Variants in GNL1 observed in about 807,000 individuals in gnomAD.
GNL1 encodes guanine nucleotide-binding protein-like 1.
In GNL1, 21 loss-of-function variants were observed where a neutral mutation model predicts 75.2. That is an observed-to-expected ratio of 0.28 (90% CI 0.20 to 0.40). The LOEUF is 0.40. Among genes scored for constraint, GNL1 ranks in the 10% least tolerant of loss-of-function variants. GNL1 has a pLI of 1.00. For missense variants in GNL1, 579 were observed against 775.0 expected (o/e 0.75, Z 3.00); for synonymous variants, 287 against 303.4 (o/e 0.95, Z 0.56).
rs1307558911 is a variant in GNL1, at chr6:30,552,300, C to T, written c.1099+167G>A. The T allele has an allele frequency of 7.2e-6, 4 of 558,594 alleles. No homozygotes were observed. Among genetic ancestry groups the T allele is most frequent in the Non-Finnish European group, 1.3e-5 (4 of 312,404 alleles). The allele number at this position is 558,594 out of a possible 1,614,324, so 34.6% of individuals were successfully genotyped here. On this transcript the variant is annotated intron_variant, in intron 8 of 11. Transcript: ENST00000376621. The surrounding 1 kb of genome is among the most constrained non-coding windows in gnomAD (Gnocchi z 4.5). ...GGAATTTAACTCAGGCTGTCATGAT[C>T]CTTCCACTGCAGCAGACGCCTCTTC...
rs1800140577 is a variant in GNL1 at position 30,555,924 on chromosome 6, T to G, written c.74-204A>C. The stretch of plus-strand genomic sequence containing the variant: ...AGTGGGGACGGCGCCCCGTGCTAGC[T>G]GGAGGGATTCCCCTCCCCCAACTCT... On this transcript the variant is annotated intron_variant, in intron 1 of 11. Transcript: ENST00000376621. This position sits in a 1 kb window ranked among gnomAD's most constrained non-coding sequence, Gnocchi z 4.3. 2.5e-6 allele frequency: 2 copies of G among 798,506 alleles called. No individual in the cohort carries two copies. Among genetic ancestry groups the G allele is most frequent in the South Asian group, 1.7e-5 (1 of 59,234 alleles). The allele number at this position is 798,506 out of a possible 1,614,324, so 49.5% of individuals were successfully genotyped here. A position where few individuals can be genotyped will look rare whatever the true frequency, so the allele number is the denominator to read the frequency against.
chr6:30,546,319 G>C lies in GNL1; in HGVS notation c.1583-6C>G. The C allele has an allele frequency of 6.3e-7, 1 of 1,582,710 alleles. No individual in the cohort carries two copies. Among genetic ancestry groups the C allele is most frequent in the South Asian group, 1.1e-5 (1 of 87,644 alleles). On this transcript the variant is annotated splice_region_variant and splice_polypyrimidine_tract_variant and intron_variant, in intron 11 of 11. Transcript: ENST00000376621. The surrounding 1 kb of genome is among the most constrained non-coding windows in gnomAD (Gnocchi z 5.1). Reference sequence around the variant, plus strand: ...TGGATGGGACTCCCAGGTGCCTGGGGAACCAAAACAAGAAAAAAATGGAGG... The same window carrying C: ...TGGATGGGACTCCCAGGTGCCTGGGCAACCAAAACAAGAAAAAAATGGAGG...
Position 30,555,614 on chromosome 6 carries a change from G to T in GNL1, c.180C>A (p.Ile60=). 1.2e-6 allele frequency: 2 copies of T among 1,614,064 alleles called. No homozygotes were observed. Among genetic ancestry groups the T allele is most frequent in the Non-Finnish European group, 1.7e-6 (2 of 1,179,970 alleles). Residue 60 remains isoleucine (I), a synonymous_variant, in exon 2 of 12, where the codon ATC becomes ATA. Coordinates refer to ENST00000376621, the MANE Select transcript of GNL1 (RefSeq NM_005275.5). The surrounding 1 kb of genome is among the most constrained non-coding windows in gnomAD (Gnocchi z 4.3). ...TSDGESVTHH[I]RRLNQQPSQG... ...GAGAAGGCTGCTGGTTAAGCCTGCG[G>T]ATATGATGGGTCACAGACTCCCCGT...
rs1050300447 is a variant in GNL1, at chr6:30,548,042, G to A, written c.1100-512C>T. Among the ~76,000 whole-genome samples, 2 of 152,090 alleles carry A rather than the reference G, an allele frequency of 1.3e-5. No homozygotes were observed. The highest frequency in any genetic ancestry group is 2.9e-5 in the Non-Finnish European group (2 of 68,010). On this transcript the variant is annotated intron_variant, in intron 8 of 11. Transcript: ENST00000376621. This position sits in a 1 kb window ranked among gnomAD's most constrained non-coding sequence, Gnocchi z 4.2. ...AATACAAAAATTAGCTGGGCGTGGT[G>A]GTGGGCGCCTGTAATTGCAGCTACT... is the stretch of plus-strand genomic sequence containing the variant.
Position 30,553,137 on chromosome 6 carries a change from G to A in GNL1, c.851C>T (p.Ala284Val). The change falls in exon 7 of 12, where the codon GCC becomes GTC. Residue 284 changes from alanine (A) to valine (V), a missense_variant. Physicochemically the swap from Ala to Val is moderately conservative, Grantham distance 64. Transcript: ENST00000376621. ...SRRRGRGWTR[A>V]LGPEQLLRAC... is the part of the protein sequence containing the mutation. ...TCTCAGCAACTGCTCTGGCCCCAGG[G>A]CCCGAGTCCATCCTCTCCCCCGCCT... 6.2e-7 allele frequency: 1 copy of A among 1,613,836 alleles called. No individual in the cohort carries two copies. The highest frequency in any genetic ancestry group is 8.5e-7 in the Non-Finnish European group (1 of 1,179,784).
At position 30,555,544 on chromosome 6, in the gene GNL1, C is replaced by G; in HGVS notation, c.239+11G>C. 1 of 1,610,658 alleles carries G rather than the reference C, an allele frequency of 6.2e-7. No individual in the cohort carries two copies. Among genetic ancestry groups the G allele is most frequent in the Non-Finnish European group, 8.5e-7 (1 of 1,177,724 alleles). On this transcript the variant is annotated intron_variant, in intron 2 of 11. Transcript: ENST00000376621. This position sits in a 1 kb window ranked among gnomAD's most constrained non-coding sequence, Gnocchi z 4.3. ...GGGAAAGCCGGGACCAGCGCCCCCT[C>G]CCACCCTCACCGATTTGGGTCGTAG...
Position 30,554,567 on chromosome 6 carries a change from G to A in GNL1, c.600+8C>T. The A allele has an allele frequency of 6.5e-7, 1 of 1,540,686 alleles. No homozygotes were observed. The highest frequency in any genetic ancestry group is 1.1e-5 in the South Asian group (1 of 89,696). ...TCCTCCTTGCCCACCCTTATCCCTA[G>A]TACTCACTGGATGTCGGATATCAGT... is the stretch of plus-strand genomic sequence containing the variant. On this transcript the variant is annotated splice_region_variant and intron_variant, in intron 5 of 11. Coordinates refer to ENST00000376621, the MANE Select transcript of GNL1 (RefSeq NM_005275.5).
chr6:30,546,456 T>C lies in GNL1; in HGVS notation c.1583-143A>G. ...TCATTCATTCATCCATTCATTCAAC[T>C]TCCTATGTGCAGATTGCTGAACAGA... On this transcript the variant is annotated intron_variant, in intron 11 of 11. Transcript: ENST00000376621. This position sits in a 1 kb window ranked among gnomAD's most constrained non-coding sequence, Gnocchi z 5.1. 1.4e-6 allele frequency: 1 copy of C among 694,030 alleles called. No homozygotes were observed. The highest frequency in any genetic ancestry group is 2.5e-6 in the Non-Finnish European group (1 of 401,794). The allele number at this position is 694,030 out of a possible 1,614,324, so 43.0% of individuals were successfully genotyped here.
rs560514622 is a variant in GNL1 at position 30,551,840 on chromosome 6, C to T, written c.1099+627G>A. The stretch of plus-strand genomic sequence containing the variant: ...TATTTGTCAGGCATTCTTACACTCT[C>T]TTAACACTATTCCCATCATTCCTCA... On this transcript the variant is annotated intron_variant, in intron 8 of 11. Transcript: ENST00000376621. Among the ~76,000 whole-genome samples the T allele has an allele frequency of 4.6e-5, 7 of 152,262 alleles. No homozygotes were observed. The East Asian group carries it at 1.2e-3, about 25-fold the overall frequency.
chr6:30,549,411 C>T (rs1192922578), intron 8 of GNL1, among the ~76,000 whole-genome samples: 1 of 152,196 alleles, frequency 6.6e-6, no homozygotes, highest in African/African-American at 2.4e-5. Context: ...TATCTCTCAA[C>T]AATGCAGCTT....
At chr6:30,554,470 G>A (rs1356299434) in intron 5 of GNL1, 105 bp downstream of exon 5, 3 of 770,162 alleles carry the variant, frequency 3.9e-6, no homozygotes, top group Non-Finnish European at 7.1e-6. Flanking sequence ...AGATTAGAAA[G>A]ACAGGAAGAT....
In GNL1 at chr6:30,547,512, T is replaced by C; in HGVS notation, c.1118A>G (p.Lys373Arg). Residue 373 changes from lysine (K) to arginine (R), a missense_variant, in exon 9 of 12, where the codon AAG (lysine) becomes AGG (arginine). By Grantham distance (26) the Lys-to-Arg change is conservative. Transcript: ENST00000376621. This position sits in a 1 kb window ranked among gnomAD's most constrained non-coding sequence, Gnocchi z 5.5. ...CACCAGCCCATTGATCAGCGAGGACTTTCCCACATTAGGGAAACCTGAGGA... is the reference window on the plus strand; with the variant it reads ...CACCAGCCCATTGATCAGCGAGGACCTTCCCACATTAGGGAAACCTGAGGA... Reference protein sequence around the residue: ...IGCVGFPNVGKSSLINGLVGR... With the variant: ...IGCVGFPNVGRSSLINGLVGR... 1 of 1,612,114 alleles carries C rather than the reference T, an allele frequency of 6.2e-7. No homozygotes were observed. Among genetic ancestry groups the C allele is most frequent in the Non-Finnish European group, 8.5e-7 (1 of 1,179,446 alleles).
chr6:30,549,851 T>A (rs184597361), intron 8 of GNL1, among the ~76,000 whole-genome samples: 8 of 147,206 alleles, frequency 5.4e-5, no homozygotes, highest in Admixed American at 3.4e-4. Flanking sequence ...TTTGACGAAG[T>A]CTTGCTCTGT....
rs1800092842 is a variant in GNL1, at chr6:30,555,464, C to A, written c.239+91G>T. On this transcript the variant is annotated intron_variant, in intron 2 of 11. Coordinates refer to ENST00000376621, the MANE Select transcript of GNL1 (RefSeq NM_005275.5). The surrounding 1 kb of genome is among the most constrained non-coding windows in gnomAD (Gnocchi z 4.3). The stretch of plus-strand genomic sequence containing the variant: ...GGAGAACTGTGGCATCCCAGGCCCA[C>A]CGTCTTCACCAGTAGCAGCCCGCTT... 2.3e-6 allele frequency: 3 copies of A among 1,306,282 alleles called. No homozygotes were observed. The Admixed American group carries it at 5.9e-5, about 26-fold the overall frequency. The allele number at this position is 1,306,282 out of a possible 1,614,324, so 80.9% of individuals were successfully genotyped here.
intron 6 of GNL1, 63 bp from the exon 7 acceptor site, chr6:30,553,242 C>T: frequency 1.4e-6 from 2 of 1,450,404 alleles, no homozygotes; most frequent in Non-Finnish European, 1.9e-6. Context: ...CTCCCACCAC[C>T]CTTAGGCCCA....
In GNL1 at chr6:30,556,330, G is replaced by A. The variant is rs371152866; in HGVS notation, c.-127C>T. On this transcript the variant is annotated 5_prime_UTR_variant, in exon 1 of 12. Coordinates refer to ENST00000376621, the MANE Select transcript of GNL1 (RefSeq NM_005275.5). The surrounding 1 kb of genome is among the most constrained non-coding windows in gnomAD (Gnocchi z 5.7). ...GAGGCGGGGCTAGCAGGTGACGTCAGCGGGCGGGCCCGACAGAATTACCGC... is the reference window on the plus strand; with the variant it reads ...GAGGCGGGGCTAGCAGGTGACGTCAACGGGCGGGCCCGACAGAATTACCGC... The A allele has an allele frequency of 8.3e-6, 9 of 1,079,198 alleles. No homozygotes were observed. The highest frequency in any genetic ancestry group is 2.2e-5 in the Admixed American group (1 of 45,776). 66.9% of individuals were successfully genotyped at this position (1,079,198 alleles called of 1,614,324 possible).
At position 30,556,412 on chromosome 6, in the gene GNL1, G is replaced by A; in HGVS notation, c.-209C>T. On this transcript the variant is annotated 5_prime_UTR_variant, in exon 1 of 12. Coordinates refer to ENST00000376621, the MANE Select transcript of GNL1 (RefSeq NM_005275.5). This position sits in a 1 kb window ranked among gnomAD's most constrained non-coding sequence, Gnocchi z 5.7. ...TATAGTCACTTCCCTCCAGGAGCGA[G>A]GCGAGAGGATGATGCGGGGTGGGCT... 3.3e-6 allele frequency: 2 copies of A among 605,510 alleles called. No homozygotes were observed. Among genetic ancestry groups the A allele is most frequent in the East Asian group, 2.8e-5 (1 of 35,306 alleles). 37.5% of individuals were successfully genotyped at this position (605,510 alleles called of 1,614,324 possible). A position where few individuals can be genotyped will look rare whatever the true frequency, so the allele number is the denominator to read the frequency against.
At chr6:30,554,115 G>C (rs1799983835) in intron 5 of GNL1, among the ~76,000 whole-genome samples, 1 of 152,216 alleles carries the variant, frequency 6.6e-6, no homozygotes, top group Non-Finnish European at 1.5e-5. Context: ...TGGAGGACAA[G>C]AGTGAAGTTG....
chr6:30,546,701 T>C lies in GNL1; in HGVS notation c.1577A>G (p.Gln526Arg). The change falls in exon 11 of 12, where the codon CAG becomes CGG. Residue 526 changes from glutamine to arginine, a missense_variant. Gln to Arg is a conservative substitution (Grantham distance 43). Transcript: ENST00000376621. The surrounding 1 kb of genome is among the most constrained non-coding windows in gnomAD (Gnocchi z 5.1). The stretch of plus-strand genomic sequence containing the variant: ...AAGAATATCTGGGCTCTGACCTTTC[T>C]GTTCACTGTAGCCTGGGGGATGAAA... ...LCFHPPGYSE[Q>R]KGTWESHPET... is the part of the protein sequence containing the mutation. 6.2e-7 allele frequency: 1 copy of C among 1,605,274 alleles called. No individual in the cohort carries two copies. The highest frequency in any genetic ancestry group is 8.5e-7 in the Non-Finnish European group (1 of 1,175,060).
Sources: gnomAD v4.1 joint callset for allele counts (sites outside exome capture counted in the v4.1 genomes callset) on GRCh38, gnomAD v4.1.1 for gene constraint, Gnocchi (gnomAD v3.1) non-coding constraint, MANE v1.5 for transcripts, NCBI Gene and HGNC (gene_info 2026-07-23, HGNC 2026-07-21) for gene names.